Variants in PPP1R16B observed in about 807,000 individuals in gnomAD.
The protein encoded by PPP1R16B is protein phosphatase 1 regulatory inhibitor subunit 16B.
PPP1R16B carries 14 observed loss-of-function variants against 61.7 expected under a neutral mutation model. The observed-to-expected ratio is 0.23, with a 90% CI of 0.15 to 0.35. The LOEUF (loss-of-function observed/expected upper bound fraction) is 0.35. Among genes scored for constraint, PPP1R16B ranks in the 10% least tolerant of loss-of-function variants. PPP1R16B has a pLI of 1.00. For missense variants in PPP1R16B, 547 were observed against 752.5 expected, an observed-to-expected ratio of 0.73 and a Z score of 3.19; for synonymous variants, 266 against 305.3, an observed-to-expected ratio of 0.87 and a Z score of 1.34.
intron 6 of PPP1R16B, among the ~76,000 whole-genome samples, chr20:38,904,401 G>T (rs1405577490): frequency 6.6e-6 from 1 of 152,190 alleles, no homozygotes; most frequent in Non-Finnish European, 1.5e-5. Context: ...TCACAGTGTT[G>T]CTGGGAGCAT....
intron 1 of PPP1R16B, among the ~76,000 whole-genome samples, chr20:38,827,142 G>A (rs2084809936): frequency 6.6e-6 from 1 of 151,904 alleles, no homozygotes; most frequent in African/African-American, 2.4e-5. Context: ...GTAGAGACGG[G>A]GTCTTGCTAT....
At chr20:38,873,973 C>G (rs938466829) in intron 2 of PPP1R16B, among the ~76,000 whole-genome samples, 1 of 152,116 alleles carries the variant, frequency 6.6e-6, no homozygotes, top group Admixed American at 6.5e-5. Flanking sequence ...AGGTTATCTG[C>G]CCGCCTCGGC....
chr20:38,914,757 C>T (rs1468653779), intron 10 of PPP1R16B, among the ~76,000 whole-genome samples: 1 of 152,200 alleles, frequency 6.6e-6, no homozygotes, highest in African/African-American at 2.4e-5. Context: ...CAGCCTCACC[C>T]TCCTGGGCTC....
intron 2 of PPP1R16B, among the ~76,000 whole-genome samples, chr20:38,877,629 C>G (rs1171841148): frequency 6.6e-6 from 1 of 152,066 alleles, no homozygotes; most frequent in African/African-American, 2.4e-5. Context: ...ACCATTTTTG[C>G]TTTACTGAAT....
intron 2 of PPP1R16B, among the ~76,000 whole-genome samples, chr20:38,861,062 T>G (rs1486476351): frequency 2.6e-5 from 4 of 152,212 alleles, no homozygotes; most frequent in Non-Finnish European, 5.9e-5. Flanking sequence ...TCCCCTTTTA[T>G]GCCCTTCACC....
chr20:38,910,847 T>A (rs1428441213), intron 10 of PPP1R16B, among the ~76,000 whole-genome samples: 5 of 151,836 alleles, frequency 3.3e-5, no homozygotes, highest in Non-Finnish European at 7.4e-5. Context: ...ATACAAAAAT[T>A]AGCTGGGCAT....
At position 38,907,932 on chromosome 20, in the gene PPP1R16B, G is replaced by A. The variant is rs759276598; in HGVS notation, c.1025G>A (p.Arg342His). 7.4e-6 allele frequency: 12 copies of A among 1,614,224 alleles called. No individual in the cohort carries two copies. The highest frequency in any genetic ancestry group is 1.1e-5 in the South Asian group (1 of 91,080). Residue 342 changes from arginine to histidine, a missense_variant, in exon 9 of 11, where the codon CGT (arginine) becomes CAT (histidine). Physicochemically the swap from Arg to His is conservative, Grantham distance 29. Transcript: ENST00000299824. The surrounding 1 kb of genome is among the most constrained non-coding windows in gnomAD (Gnocchi z 4.5). ...CGGAGGACCTCCAGCGCAGGCAGCCGTGGGTGAGTCCGGGGCAGGGCAGCC... is the reference window on the plus strand; with the variant it reads ...CGGAGGACCTCCAGCGCAGGCAGCCATGGGTGAGTCCGGGGCAGGGCAGCC... ...LSRRTSSAGS[R>H]GKVVRRASLS...
intron 2 of PPP1R16B, among the ~76,000 whole-genome samples, chr20:38,875,501 A>G (rs1490339777): frequency 1.3e-5 from 2 of 152,238 alleles, no homozygotes; most frequent in African/African-American, 4.8e-5. Context: ...GCTGCAAGGC[A>G]GTCAGCATAC....
At chr20:38,815,054 A>G (rs1380068990) in intron 1 of PPP1R16B, among the ~76,000 whole-genome samples, 2 of 152,124 alleles carry the variant, frequency 1.3e-5, no homozygotes, top group Admixed American at 6.5e-5. Flanking sequence ...TTTCTTTTAT[A>G]TATAAACTTA....
chr20:38,884,281 C>T (rs1467331637), intron 2 of PPP1R16B, among the ~76,000 whole-genome samples: 1 of 152,192 alleles, frequency 6.6e-6, no homozygotes, highest in Non-Finnish European at 1.5e-5. Context: ...ATGATGAGAA[C>T]AGTGCAAGGT....
intron 3 of PPP1R16B, among the ~76,000 whole-genome samples, chr20:38,894,095 C>T (rs565649459): frequency 2.0e-5 from 3 of 152,260 alleles, no homozygotes; most frequent in Non-Finnish European, 2.9e-5. Context: ...TGTCCTCAGA[C>T]CTAGCCACCG....
chr20:38,807,674 C>T (rs1205466916), intron 1 of PPP1R16B, among the ~76,000 whole-genome samples: 1 of 152,128 alleles, frequency 6.6e-6, no homozygotes, highest in Admixed American at 6.5e-5. Context: ...TGGCTGAGTC[C>T]CCAGGATGCT....
chr20:38,878,862 T>C (rs762391570), intron 2 of PPP1R16B, among the ~76,000 whole-genome samples: 14 of 152,214 alleles, frequency 9.2e-5, no homozygotes, highest in Non-Finnish European at 1.9e-4. Flanking sequence ...TGGACTATTT[T>C]TAAAAATTCA....
Position 38,898,826 on chromosome 20 carries a change from C to T in PPP1R16B, c.468-1755C>T, listed in dbSNP as rs1414683631. Among the ~76,000 whole-genome samples the T allele has an allele frequency of 5.3e-5, 8 of 151,918 alleles. No individual in the cohort carries two copies. The East Asian group carries it at 1.5e-3, about 29-fold the overall frequency. The stretch of plus-strand genomic sequence containing the variant: ...CCTTGTTTCAAAACAACAACAACAA[C>T]AACAACAACAACAACAACAATCATT... On this transcript the variant is annotated intron_variant, in intron 4 of 10. Transcript: ENST00000299824.
At chr20:38,879,698 C>A (rs2085191806) in intron 2 of PPP1R16B, among the ~76,000 whole-genome samples, 1 of 152,236 alleles carries the variant, frequency 6.6e-6, no homozygotes. Flanking sequence ...ACTTTTCCTG[C>A]ATACACCCAA....
chr20:38,889,788 T>G, intron 3 of PPP1R16B, 123 bp downstream of exon 3: 1 of 1,002,422 alleles, frequency 1.0e-6, no homozygotes, highest in Non-Finnish European at 1.6e-6. Context: ...GAGGAGGAGC[T>G]GCAGCTGGCC....
At chr20:38,879,654 C>T (rs1286834288) in intron 2 of PPP1R16B, among the ~76,000 whole-genome samples, 2 of 152,164 alleles carry the variant, frequency 1.3e-5, no homozygotes, top group Non-Finnish European at 2.9e-5. Context: ...ACGAGTTGCC[C>T]GCATAGAGCT....
At chr20:38,905,530 A>G (rs913846068) in intron 6 of PPP1R16B, among the ~76,000 whole-genome samples, 2 of 152,240 alleles carry the variant, frequency 1.3e-5, no homozygotes, top group African/African-American at 4.8e-5. Context: ...AATCACAAAC[A>G]GGATATTCAC....
At chr20:38,859,073 TACCAAGCCG>T (rs917007610) in intron 2 of PPP1R16B, among the ~76,000 whole-genome samples, 13 of 152,130 alleles carry the variant, frequency 8.5e-5, no homozygotes, top group African/African-American at 2.7e-4. Flanking sequence ...TTGGAACAGC[TACCAAGCCG>T]ACCCCGACTT....
Sources: gnomAD v4.1 joint callset for allele counts (sites outside exome capture counted in the v4.1 genomes callset) on GRCh38, gnomAD v4.1.1 for gene constraint, Gnocchi (gnomAD v3.1) non-coding constraint, MANE v1.5 for transcripts, NCBI Gene and HGNC (gene_info 2026-07-23, HGNC 2026-07-21) for gene names.